ENPP1: variants seen among roughly 807,000 people sequenced by gnomAD.
ENPP1 encodes the protein ectonucleotide pyrophosphatase/phosphodiesterase family member 1.
In ENPP1, 73 loss-of-function variants were observed where a neutral mutation model predicts 122.8. That is an observed-to-expected ratio of 0.59 (90% CI 0.49 to 0.72). ENPP1 has a LOEUF of 0.72. Ranked by LOEUF, ENPP1 falls within the 30% of genes least tolerant of loss-of-function variation. The pLI is 0.00. For missense variants in ENPP1, 978 were observed against 1,128.1 expected (o/e 0.87, Z 1.91); for synonymous variants, 367 against 391.6 (o/e 0.94, Z 0.74).
Position 131,890,834 on chromosome 6 carries a change from T to A in ENPP1, c.*323T>A. 1 of 341,806 alleles carries A rather than the reference T, an allele frequency of 2.9e-6. No individual in the cohort carries two copies. The highest frequency in any genetic ancestry group is 3.2e-5 in the South Asian group (1 of 31,478). The allele number at this position is 341,806 out of a possible 1,614,324, so 21.2% of individuals were successfully genotyped here. A position where few individuals can be genotyped will look rare whatever the true frequency, so the allele number is the denominator to read the frequency against. On this transcript the variant is annotated 3_prime_UTR_variant, in exon 25 of 25. Transcript: ENST00000647893. ...TGAACATTGTCTGGATACCAGATAT[T>A]TGAATCTTTCTTACTATTGGTAATA...
chr6:131,887,710 C>T (rs867854443), intron 24 of ENPP1, among the ~76,000 whole-genome samples: 3,263 of 143,958 alleles, frequency 0.023, 79 homozygotes, highest in African/African-American at 0.041. Flanking sequence ...AGGCGCCCGC[C>T]ACCACACCCG....
intron 15 of ENPP1, among the ~76,000 whole-genome samples, chr6:131,873,786 T>G (rs1044030682): frequency 6.6e-6 from 1 of 152,054 alleles, no homozygotes; most frequent in African/African-American, 2.4e-5. Context: ...GTCTCCACTC[T>G]TATTGGAGAG....
In ENPP1 at chr6:131,819,861, C is replaced by T. The variant is rs572449043; in HGVS notation, c.240+11586C>T. ...ACTGGGGCCACGCAAATGATTGATT[C>T]GACCAATTCTCTGGGGAGAGTTTCC... On this transcript the variant is annotated intron_variant, in intron 1 of 24. Transcript: ENST00000647893. 45 of 453,394 alleles carry T rather than the reference C, an allele frequency of 9.9e-5. 2 individuals carry two copies. Among genetic ancestry groups the T allele is most frequent in the South Asian group, 6.2e-4 (31 of 50,196 alleles). The allele number at this position is 453,394 out of a possible 1,614,324, so 28.1% of individuals were successfully genotyped here.
At chr6:131,835,054 A>G (rs944779931) in intron 1 of ENPP1, among the ~76,000 whole-genome samples, 4 of 152,238 alleles carry the variant, frequency 2.6e-5, no homozygotes, top group Non-Finnish European at 1.5e-5. Flanking sequence ...CAAGATCACA[A>G]AGCTCCAAAA....
chr6:131,862,914 G>GT (rs947567393), intron 9 of ENPP1, among the ~76,000 whole-genome samples: 61 of 143,228 alleles, frequency 4.3e-4, no homozygotes, highest in African/African-American at 1.1e-3. Flanking sequence ...CTGTGTGTGT[G>GT]TTTTTTTTTT....
At chr6:131,827,653 T>C (rs1055169002) in intron 1 of ENPP1, 2 of 626,832 alleles carry the variant, frequency 3.2e-6, no homozygotes, top group African/African-American at 1.8e-5. Context: ...ATACACACTA[T>C]AAATGATGTC....
chr6:131,846,826 G>T (rs1336813609), intron 1 of ENPP1, among the ~76,000 whole-genome samples: 3 of 152,268 alleles, frequency 2.0e-5, no homozygotes, highest in South Asian at 4.1e-4. Flanking sequence ...GGATTGTTTT[G>T]TGGGTTATTC....
rs183117134 is a variant in ENPP1, at chr6:131,820,241, C to A, written c.240+11966C>A. 2.8e-5 allele frequency: 5 copies of A among 176,638 alleles called. No homozygotes were observed. The East Asian group carries it at 6.3e-4, about 22-fold the overall frequency. The allele number at this position is 176,638 out of a possible 1,614,324, so 10.9% of individuals were successfully genotyped here. A position where few individuals can be genotyped will look rare whatever the true frequency, so the allele number is the denominator to read the frequency against. On this transcript the variant is annotated intron_variant, in intron 1 of 24. Transcript: ENST00000647893. Reference sequence around the variant, plus strand: ...GTAACTTTTAGAAGTATAATGGGATCCTGATAAGAAAAATTTCGTGAATAT... The same window carrying A: ...GTAACTTTTAGAAGTATAATGGGATACTGATAAGAAAAATTTCGTGAATAT...
intron 1 of ENPP1, chr6:131,826,158 A>T: frequency 2.3e-6 from 2 of 868,342 alleles, no homozygotes; most frequent in Non-Finnish European, 2.0e-6. Context: ...TTGACAGCTG[A>T]CCCACATGAG....
chr6:131,835,148 T>C (rs1022270226), intron 1 of ENPP1, among the ~76,000 whole-genome samples: 5 of 152,244 alleles, frequency 3.3e-5, no homozygotes, highest in Admixed American at 6.5e-5. Context: ...ACCAAACTTA[T>C]ATTTTTAATT....
rs1163628900 is a variant in ENPP1 at position 131,850,089 on chromosome 6, A to G, written c.413A>G (p.Glu138Gly). 14 of 1,608,312 alleles carry G rather than the reference A, an allele frequency of 8.7e-6. No homozygotes were observed. Among genetic ancestry groups the G allele is most frequent in the African/African-American group, 2.7e-5 (2 of 74,928 alleles). Reference sequence around the variant, plus strand: ...GGAAACTGCTGTTTAGATTACCAGGAGACGTGCATAGAACCAGGTAAGGAT... The same window carrying G: ...GGAAACTGCTGTTTAGATTACCAGGGGACGTGCATAGAACCAGGTAAGGAT... ...ELGNCCLDYQ[E>G]TCIEPEHIWT... Residue 138 changes from glutamate to glycine, a missense_variant, in exon 3 of 25, where the codon GAG (glutamate) becomes GGG (glycine). Transcript: ENST00000647893.
At chr6:131,884,910 C>T in intron 22 of ENPP1, 21 bp from the exon 23 acceptor site, 3 of 1,613,770 alleles carry the variant, frequency 1.9e-6, no homozygotes, top group Non-Finnish European at 2.5e-6. Flanking sequence ...TGAAACTACA[C>T]TGGCTTCTAT....
At chr6:131,863,596 C>T (rs184765570) in intron 9 of ENPP1, among the ~76,000 whole-genome samples, 1 of 152,094 alleles carries the variant, frequency 6.6e-6, no homozygotes, top group African/African-American at 2.4e-5. Context: ...TTATTTGCCA[C>T]TGTTTTTATT....
intron 1 of ENPP1, among the ~76,000 whole-genome samples, chr6:131,825,502 G>A (rs956746353): frequency 3.3e-5 from 5 of 152,078 alleles, no homozygotes; most frequent in South Asian, 2.1e-4. Context: ...ATGCAATGGC[G>A]CACGGCTAGT....
intron 1 of ENPP1, among the ~76,000 whole-genome samples, chr6:131,846,652 C>T (rs1781815016): frequency 1.3e-5 from 2 of 152,344 alleles, no homozygotes; most frequent in African/African-American, 2.4e-5. Context: ...TTTTTAACTT[C>T]TCCTACCCAA....
rs547064410 is a variant in ENPP1, at chr6:131,815,704, C to CT, written c.240+7443dup. On this transcript the variant is annotated intron_variant, in intron 1 of 24. Transcript: ENST00000647893. The stretch of plus-strand genomic sequence containing the variant: ...TTTACAGAAATTTTTATCTATCAGC[C>CT]TTTTTTTTTTTTTTGAAACGGAGTT... 2.4e-3 allele frequency among the ~76,000 whole-genome samples: 341 copies of CT among 140,676 alleles called. 2 individuals are homozygous for CT. Among genetic ancestry groups the CT allele is most frequent in the African/African-American group, 4.7e-3 (183 of 38,568 alleles). The allele number at this position is 140,676 out of a possible 152,430, so 92.3% of individuals were successfully genotyped here. A position where few individuals can be genotyped will look rare whatever the true frequency, so the allele number is the denominator to read the frequency against.
rs1490594354 is a variant in ENPP1 at position 131,882,447 on chromosome 6, G to A, written c.2203G>A (p.Val735Met). The change falls in exon 21 of 25, where the codon GTG becomes ATG. Residue 735 changes from valine (V) to methionine (M), a missense_variant. Coordinates refer to ENST00000647893, the MANE Select transcript of ENPP1 (RefSeq NM_006208.3). ...TTCATTTTATAAAAATAACACCAAA[G>A]TGAGTTACGGGTTCCTCTCCCCACC... is the stretch of plus-strand genomic sequence containing the variant. ...KCSFYKNNTK[V>M]SYGFLSPPQL... 2 of 1,609,176 alleles carry A rather than the reference G, an allele frequency of 1.2e-6. No individual in the cohort carries two copies. The highest frequency in any genetic ancestry group is 1.7e-6 in the Non-Finnish European group (2 of 1,177,010).
At chr6:131,841,378 A>C (rs779502473) in intron 1 of ENPP1, among the ~76,000 whole-genome samples, 12 of 152,228 alleles carry the variant, frequency 7.9e-5, no homozygotes, top group Non-Finnish European at 1.2e-4. Flanking sequence ...GAGGACTGAT[A>C]GGCAATGTAG....
intron 1 of ENPP1, among the ~76,000 whole-genome samples, chr6:131,821,878 G>A (rs1781489052): frequency 1.3e-5 from 2 of 152,186 alleles, no homozygotes; most frequent in South Asian, 4.1e-4. Flanking sequence ...TTCAGGTGAT[G>A]TAAAATCAGG....
Sources: allele counts gnomAD v4.1 joint callset (sites outside exome capture counted in the v4.1 genomes callset), GRCh38; gene constraint gnomAD v4.1.1; transcripts MANE v1.5; gene names NCBI Gene and HGNC (gene_info 2026-07-23, HGNC 2026-07-21).